The following TRMT11 variants were observed in gnomAD, a reference collection of about 807,000 sequenced individuals.
TRMT11 encodes the protein tRNA (guanine(10)-N(2))-methyltransferase TRMT11.
A neutral mutation model predicts 62.8 loss-of-function variants in TRMT11; 53 were observed. That is an observed-to-expected ratio of 0.84 (90% confidence interval 0.68 to 1.06). TRMT11 has a LOEUF of 1.06. TRMT11 is among the 50% of genes least tolerant of loss of function. The probability of loss-of-function intolerance (pLI) is 0.00; values close to 1 mark genes in which losing one functional copy is unlikely to be tolerated. For missense variants in TRMT11, 556 were observed against 553.4 expected, an observed-to-expected ratio of 1.00 and a Z score of -0.05; for synonymous variants, 188 against 190.3, an observed-to-expected ratio of 0.99 and a Z score of 0.10.
chr6:125,994,808 A>G (rs1038915816), intron 2 of TRMT11, among the ~76,000 whole-genome samples: 1 of 152,262 alleles, frequency 6.6e-6, no homozygotes, highest in Non-Finnish European at 1.5e-5. Context: ...ATAAAAAGGA[A>G]TGAGATCATG....
intron 1 of TRMT11, among the ~76,000 whole-genome samples, chr6:126,194,692 CAAACTTA>C (rs1180622970): frequency 6.6e-6 from 1 of 152,170 alleles, no homozygotes; most frequent in Non-Finnish European, 1.5e-5. Flanking sequence ...TCAACATTAA[CAAACTTA>C]TTTGCTTTGT....
Position 126,011,323 on chromosome 6 carries a change from T to G in TRMT11, c.831T>G (p.Tyr277Ter). ...DENIRANLRQ[Y>*]GLEKYYLDVL... ...ACATTAGGGCCAATCTTCGTCAATA[T>G]GGTTTAGAGAAGTATTACCTTGATG... Residue 277 changes from tyrosine (Y) to a stop codon, truncating the protein, a stop_gained, in exon 9 of 13, where the codon TAT becomes TAG. Transcript: ENST00000334379. LOFTEE classifies it high-confidence loss of function. The G allele has an allele frequency of 6.2e-7, 1 of 1,613,408 alleles. No homozygotes were observed.
intron 17 of TRMT11, among the ~76,000 whole-genome samples, chr6:126,084,889 G>T (rs1023557473): frequency 6.6e-6 from 1 of 152,146 alleles, no homozygotes; most frequent in Admixed American, 6.6e-5. Flanking sequence ...CAAACTCATA[G>T]AAACAGAGAG....
the TRMT11 span, among the ~76,000 whole-genome samples, chr6:126,221,740 G>A: frequency 1.3e-5 from 2 of 152,030 alleles, no homozygotes; most frequent in African/African-American, 4.8e-5. Flanking sequence ...GCTGTATATA[G>A]TTCCTTTTGC....
At chr6:126,013,215 A>G in intron 11 of TRMT11, 114 bp downstream of exon 11, 1 of 965,776 alleles carries the variant, frequency 1.0e-6, no homozygotes, top group South Asian at 1.8e-5. Flanking sequence ...TTTAATTTGT[A>G]ATAGCCTTTG....
At chr6:126,013,422 A>C (rs893718067) in intron 11 of TRMT11, among the ~76,000 whole-genome samples, 2 of 151,766 alleles carry the variant, frequency 1.3e-5, no homozygotes, top group Admixed American at 6.6e-5. Flanking sequence ...ATGCTCAGCT[A>C]TTTTTTATTT....
intron 1 of TRMT11, among the ~76,000 whole-genome samples, chr6:126,192,477 C>G (rs1278425836): frequency 6.6e-6 from 1 of 152,028 alleles, no homozygotes; most frequent in African/African-American, 2.4e-5. Context: ...TCTAGTACTA[C>G]ATTGAATAAA....
intron 21 of TRMT11, among the ~76,000 whole-genome samples, chr6:126,144,124 G>A (rs1308750490): frequency 6.6e-6 from 1 of 151,990 alleles, no homozygotes; most frequent in Admixed American, 6.6e-5. Context: ...TCCATTTCAC[G>A]GTCTGGTGCT....
chr6:125,996,877 A>G (rs189508352), intron 3 of TRMT11, among the ~76,000 whole-genome samples: 221 of 152,362 alleles, frequency 1.5e-3, no homozygotes, highest in Non-Finnish European at 2.3e-3. Flanking sequence ...ACAACCCAAT[A>G]TTTAGTTAAC....
chr6:126,172,810 AGTCTCT>A (rs1344667416), upstream of TRMT11, among the ~76,000 whole-genome samples: 1 of 152,184 alleles, frequency 6.6e-6, no homozygotes, highest in African/African-American at 2.4e-5. Flanking sequence ...ATGCTGTAAA[AGTCTCT>A]GATACATGCA....
chr6:126,176,143 A>C (rs985753131), upstream of TRMT11, among the ~76,000 whole-genome samples: 2 of 152,218 alleles, frequency 1.3e-5, no homozygotes, highest in African/African-American at 4.8e-5. Flanking sequence ...AATTGGTACA[A>C]GACTTTAAGG....
downstream of TRMT11, among the ~76,000 whole-genome samples, chr6:126,043,060 A>G: frequency 6.6e-6 from 1 of 151,010 alleles, no homozygotes; most frequent in African/African-American, 2.4e-5. Context: ...ATTTTATTTT[A>G]TTATTATTAT....
At chr6:126,257,852 A>G in the TRMT11 span, 8 of 1,147,566 alleles carry the variant, frequency 7.0e-6, no homozygotes, top group South Asian at 9.8e-5. Flanking sequence ...GTCCGCTGGT[A>G]TTGCTCTTGC....
At chr6:126,152,937 C>T (rs1305452697) in intron 21 of TRMT11, among the ~76,000 whole-genome samples, 1 of 152,092 alleles carries the variant, frequency 6.6e-6, no homozygotes, top group African/African-American at 2.4e-5. Flanking sequence ...TTTTCAGAGA[C>T]CCGGAGTCTA....
the TRMT11 span, among the ~76,000 whole-genome samples, chr6:126,215,442 AT>A: frequency 0.12 from 17,556 of 151,854 alleles, 3,358 homozygotes; most frequent in African/African-American, 0.4. Flanking sequence ...ATACAATGAC[AT>A]TTCTTTGTCT....
chr6:126,218,564 C>A, the TRMT11 span, among the ~76,000 whole-genome samples: 4 of 152,156 alleles, frequency 2.6e-5, no homozygotes, highest in Non-Finnish European at 5.9e-5. Flanking sequence ...GCCTGGTGTC[C>A]CATCCCTACT....
At chr6:126,132,234 G>A (rs1377485658) in intron 21 of TRMT11, among the ~76,000 whole-genome samples, 1 of 152,078 alleles carries the variant, frequency 6.6e-6, no homozygotes, top group African/African-American at 2.4e-5. Context: ...TGTGTATGAG[G>A]TGGCAACAAC....
intron 16 of TRMT11, among the ~76,000 whole-genome samples, chr6:126,051,570 T>C (rs1281530194): frequency 1.3e-5 from 2 of 152,186 alleles, no homozygotes; most frequent in Non-Finnish European, 2.9e-5. Flanking sequence ...GCTGGAATGC[T>C]GATCAGAAGA....
chr6:126,069,768 A>G (rs1776795859), intron 17 of TRMT11, among the ~76,000 whole-genome samples: 1 of 151,494 alleles, frequency 6.6e-6, no homozygotes, highest in Non-Finnish European at 1.5e-5. Flanking sequence ...TTGAAGGAAC[A>G]CTTTTCCTTT....
Sources: allele counts gnomAD v4.1 joint callset (sites outside exome capture counted in the v4.1 genomes callset), GRCh38; gene constraint gnomAD v4.1.1; transcripts MANE v1.5; gene names NCBI Gene and HGNC (gene_info 2026-07-23, HGNC 2026-07-21).